The following LPIN2 variants were observed in gnomAD, a reference collection of about 807,000 sequenced individuals.
LPIN2 encodes the protein lipin 2.
LPIN2 carries 55 observed loss-of-function variants against 111.4 expected under a neutral mutation model. The observed-to-expected ratio is 0.49, with a 90% CI of 0.40 to 0.62. LPIN2 has a LOEUF of 0.62. Ranked by LOEUF, LPIN2 falls within the 20% of genes least tolerant of loss-of-function variation. The pLI is 0.00. For synonymous variants in LPIN2, 425 were observed against 414.0 expected (o/e 1.03, Z -0.32); for missense variants, 992 against 1,112.1 (o/e 0.89, Z 1.54).
At chr18:2,940,085 G>A (rs994517263) in intron 5 of LPIN2, among the ~76,000 whole-genome samples, 9 of 152,162 alleles carry the variant, frequency 5.9e-5, no homozygotes, top group Non-Finnish European at 1.2e-4. Context: ...CAGTGCTTTG[G>A]GAGGCCAAGG....
In LPIN2 at chr18:2,923,814, G is replaced by A. The variant is rs1478494477; in HGVS notation, c.2135C>T (p.Thr712Ile). 6.2e-7 allele frequency: 1 copy of A among 1,614,166 alleles called. No individual in the cohort carries two copies. Among genetic ancestry groups the A allele is most frequent in the Non-Finnish European group, 8.5e-7 (1 of 1,180,018 alleles). ...QILPQLGKDW[T>I]HQGIAKLYHS... Reference sequence around the variant, plus strand: ...GTAGAGCTTTGCTATACCCTGGTGGGTCCAGTCTTTGCCCAGCTGTGGGAG... The same window carrying A: ...GTAGAGCTTTGCTATACCCTGGTGGATCCAGTCTTTGCCCAGCTGTGGGAG... The change falls in exon 16 of 20, where the codon ACC becomes ATC. Residue 712 changes from threonine (T) to isoleucine (I), a missense_variant. Physicochemically the swap from Thr to Ile is moderately conservative, Grantham distance 89. Around this residue, in one of 4 missense-constraint regions of LPIN2, gnomAD observed 31 missense variants for 60.3 expected, o/e 0.51. Transcript: ENST00000677752.
At chr18:3,006,760 C>A (rs1465013971) in intron 1 of LPIN2, among the ~76,000 whole-genome samples, 1 of 151,684 alleles carries the variant, frequency 6.6e-6, no homozygotes, top group Admixed American at 6.6e-5. Context: ...TGGCATGAAC[C>A]CGGGAGGCGG....
At chr18:2,992,113 T>C (rs1014116408) in intron 1 of LPIN2, among the ~76,000 whole-genome samples, 1 of 152,156 alleles carries the variant, frequency 6.6e-6, no homozygotes, top group Non-Finnish European at 1.5e-5. Context: ...AAACAGACAT[T>C]TGTATACCAG....
At chr18:2,983,294 T>A (rs1239429583) in intron 1 of LPIN2, among the ~76,000 whole-genome samples, 1 of 152,206 alleles carries the variant, frequency 6.6e-6, no homozygotes, top group Non-Finnish European at 1.5e-5. Context: ...TTTTCCTTTG[T>A]CAGACTGGTG....
In LPIN2 at chr18:2,918,478, T is replaced by C. The variant is rs1330488331; in HGVS notation, c.*1815A>G. 2.0e-5 allele frequency: 3 copies of C among 152,238 alleles called. No individual in the cohort carries two copies. Among genetic ancestry groups the C allele is most frequent in the Non-Finnish European group, 4.4e-5 (3 of 68,056 alleles). 9.4% of individuals were successfully genotyped at this position (152,238 alleles called of 1,614,324 possible). On this transcript the variant is annotated 3_prime_UTR_variant, in exon 20 of 20. Coordinates refer to ENST00000677752, the MANE Select transcript of LPIN2 (RefSeq NM_001375808.2). Reference sequence around the variant, plus strand: ...TGAAATAAGGTGGCTGCATGGCTGCTGTACTAGAATTCACAAACTGGGAAG... The same window carrying C: ...TGAAATAAGGTGGCTGCATGGCTGCCGTACTAGAATTCACAAACTGGGAAG...
At chr18:2,969,891 C>A (rs7241443) in intron 1 of LPIN2, among the ~76,000 whole-genome samples, 17,733 of 152,204 alleles carry the variant, frequency 0.12, 1,621 homozygotes, top group East Asian at 0.46. Context: ...TTGTTATGGG[C>A]TCAAGTTCAC....
chr18:3,012,059 T>C (rs1218152701), intron 1 of LPIN2: 2 of 152,264 alleles, frequency 1.3e-5, no homozygotes, highest in African/African-American at 4.8e-5. Flanking sequence ...GACTTTGTAT[T>C]GTCAAAACAT....
intron 3 of LPIN2, among the ~76,000 whole-genome samples, chr18:2,953,014 C>A (rs1316897694): frequency 1.3e-5 from 2 of 152,160 alleles, no homozygotes; most frequent in Admixed American, 6.5e-5. Flanking sequence ...AAATGACGAA[C>A]CCCTAGAGGA....
At chr18:2,995,835 T>C (rs2078332159) in intron 1 of LPIN2, among the ~76,000 whole-genome samples, 1 of 152,206 alleles carries the variant, frequency 6.6e-6, no homozygotes, top group South Asian at 2.1e-4. Flanking sequence ...AAGGGGTGTT[T>C]CAAAATGTTT....
At chr18:3,003,136 T>C (rs901774944) in intron 1 of LPIN2, among the ~76,000 whole-genome samples, 1 of 152,250 alleles carries the variant, frequency 6.6e-6, no homozygotes, top group South Asian at 2.1e-4. Flanking sequence ...ATCAAAAGTA[T>C]ATTCATGAAT....
intron 7 of LPIN2, among the ~76,000 whole-genome samples, chr18:2,936,078 G>C (rs963344596): frequency 6.6e-6 from 1 of 152,196 alleles, no homozygotes; most frequent in Non-Finnish European, 1.5e-5. Flanking sequence ...CCATTCGCTA[G>C]ATGGTTTTAT....
rs1383642994 is a variant in LPIN2, at chr18:2,996,495, T to TTTTTTTTTTTTTTTTTTG, written c.-10+16591_-10+16592insCAAAAAAAAAAAAAAAAA. 2.9e-5 allele frequency among the ~76,000 whole-genome samples: 3 copies of TTTTTTTTTTTTTTTTTTG among 104,226 alleles called. 1 individual carries two copies. Among genetic ancestry groups the TTTTTTTTTTTTTTTTTTG allele is most frequent in the African/African-American group, 1.1e-4 (3 of 26,506 alleles). 68.4% of individuals were successfully genotyped at this position (104,226 alleles called of 152,430 possible). On this transcript the variant is annotated intron_variant, in intron 1 of 19. Transcript: ENST00000677752. ...TTTTTTTTTTTTTTTTTTTTTTTTT[T>TTTTTTTTTTTTTTTTTTG]GAGACAGAGTCTCTCTCTGTCACCC...
chr18:2,939,477 T>TA lies in LPIN2; in HGVS notation c.822+2dup. 3 of 1,613,640 alleles carry TA rather than the reference T, an allele frequency of 1.9e-6. No homozygotes were observed. The highest frequency in any genetic ancestry group is 1.3e-5 in the African/African-American group (1 of 75,028). ...CTTTCCACAGGCAAGTAAACCCTAG[T>TA]ACCTTGGTGGACTCTGGGAATCCGC... On this transcript the variant is annotated splice_region_variant and intron_variant, in intron 6 of 19. Coordinates refer to ENST00000677752, the MANE Select transcript of LPIN2 (RefSeq NM_001375808.2).
chr18:2,937,896 AGACAGT>A lies in LPIN2; in HGVS notation c.958_963del (p.Thr320_Val321del). 3 of 1,614,170 alleles carry A rather than the reference AGACAGT, an allele frequency of 1.9e-6. No individual in the cohort carries two copies. The highest frequency in any genetic ancestry group is 2.5e-6 in the Non-Finnish European group (3 of 1,180,034). ...CTGGGTTTGGGCTTCACTATGGTAC[AGACAGT>A]GTCTTCCATGGAAGCATCCTTCTCA... On this transcript the variant is annotated inframe_deletion, in exon 7 of 20. Coordinates refer to ENST00000677752, the MANE Select transcript of LPIN2 (RefSeq NM_001375808.2).
chr18:2,922,091 G>GC lies in LPIN2; in HGVS notation c.2282dup (p.Leu763ProfsTer27). On this transcript the variant is annotated frameshift_variant, in exon 17 of 20. Transcript: ENST00000677752. LOFTEE classifies it high-confidence loss of function. ...AGCTGCTGGGGGACAGCATCAGGGG[G>GC]CCCCGGGGCAAGATTGTGCCCTTGT... 1 of 1,613,954 alleles carries GC rather than the reference G, an allele frequency of 6.2e-7. No homozygotes were observed. Among genetic ancestry groups the GC allele is most frequent in the Non-Finnish European group, 8.5e-7 (1 of 1,179,980 alleles).
At chr18:2,990,950 T>A (rs966814239) in intron 1 of LPIN2, 5 of 563,728 alleles carry the variant, frequency 8.9e-6, no homozygotes, top group Non-Finnish European at 1.7e-5. Flanking sequence ...ATGATGCCAG[T>A]GGGACCTGCT....
chr18:2,928,533 G>T, intron 11 of LPIN2, 58 bp downstream of exon 11: 1 of 1,487,936 alleles, frequency 6.7e-7, no homozygotes. Context: ...ATGGATTTGT[G>T]TAAGTACTAG....
intron 4 of LPIN2, chr18:2,946,591 C>T (rs1237703183): frequency 4.8e-5 from 45 of 945,788 alleles, no homozygotes; most frequent in Non-Finnish European, 6.7e-5. Flanking sequence ...CAAGAGGATG[C>T]GTTAGCCAAT....
chr18:2,960,184 GTGTGT>G (rs1365663834), intron 2 of LPIN2, among the ~76,000 whole-genome samples: 1 of 143,766 alleles, frequency 7.0e-6, no homozygotes, highest in Admixed American at 6.7e-5. Context: ...ATGTGTGTGT[GTGTGT>G]GTGTGTGTGT....
Sources: gnomAD v4.1 joint callset for allele counts (sites outside exome capture counted in the v4.1 genomes callset) on GRCh38, gnomAD v4.1.1 for gene constraint, gnomAD v4.1.1 regional missense constraint, MANE v1.5 for transcripts, NCBI Gene and HGNC (gene_info 2026-07-23, HGNC 2026-07-21) for gene names.